Variants in ZGRF1 observed in about 807,000 individuals in gnomAD.
ZGRF1 encodes the protein zinc finger GRF-type containing 1.
In ZGRF1, 196 loss-of-function variants were observed where a neutral mutation model predicts 203.5. The observed-to-expected ratio is 0.96, with a 90% CI of 0.86 to 1.08. The LOEUF (loss-of-function observed/expected upper bound fraction) is 1.08. ZGRF1 is among the 50% of genes least tolerant of loss of function. The pLI is 0.00. For missense variants in ZGRF1, 2,326 were observed against 2,416.3 expected (o/e 0.96, Z 0.78); for synonymous variants, 809 against 841.3 (o/e 0.96, Z 0.66).
At position 112,617,515 on chromosome 4, in the gene ZGRF1, C is replaced by T. The variant is rs138769302; in HGVS notation, c.2527G>A (p.Glu843Lys). Residue 843 changes from glutamate to lysine, a missense_variant, in exon 6 of 28, where the codon GAA (glutamate) becomes AAA (lysine). By Grantham distance (56) the Glu-to-Lys change is moderately conservative. Transcript: ENST00000505019. ...CEHSTALDSL[E>K]ILKKKNTVFQ... Reference sequence around the variant, plus strand: ...ACAGTATTTTTCTTTTTCAATATTTCCAAGCTGTCTAAAGCAGTACTGTGT... The same window carrying T: ...ACAGTATTTTTCTTTTTCAATATTTTCAAGCTGTCTAAAGCAGTACTGTGT... The T allele has an allele frequency of 6.2e-5, 100 of 1,603,102 alleles. No individual in the cohort carries two copies. The African/African-American group carries it at 1.2e-3, about 19-fold the overall frequency.
At position 112,633,239 on chromosome 4, in the gene ZGRF1, C is replaced by A; in HGVS notation, c.-63G>T. On this transcript the variant is annotated 5_prime_UTR_variant, in exon 2 of 28. Transcript: ENST00000505019. ...AATAGGAAATATTCAACTATTTATACCACCTAAAATTAAAAATGACATAAA... is the reference window on the plus strand; with the variant it reads ...AATAGGAAATATTCAACTATTTATAACACCTAAAATTAAAAATGACATAAA... 1.6e-6 allele frequency: 2 copies of A among 1,262,416 alleles called. No individual in the cohort carries two copies. Among genetic ancestry groups the A allele is most frequent in the Non-Finnish European group, 2.3e-6 (2 of 884,216 alleles). The allele number at this position is 1,262,416 out of a possible 1,614,324, so 78.2% of individuals were successfully genotyped here.
At chr4:112,622,276 T>C (rs866471624) in intron 4 of ZGRF1, among the ~76,000 whole-genome samples, 3 of 151,406 alleles carry the variant, frequency 2.0e-5, no homozygotes, top group Non-Finnish European at 2.9e-5. Flanking sequence ...CCCAGCACTT[T>C]AGGAGGCCAA....
intron 16 of ZGRF1, 123 bp from the exon 17 acceptor site, chr4:112,563,397 G>A (rs1484783827): frequency 4.8e-6 from 3 of 631,088 alleles, no homozygotes; most frequent in Non-Finnish European, 7.5e-6. Context: ...ACATACACAA[G>A]ATGAGAAGTA....
chr4:112,597,754 C>T (rs1267740353), intron 10 of ZGRF1, among the ~76,000 whole-genome samples: 3 of 148,952 alleles, frequency 2.0e-5, no homozygotes, highest in African/African-American at 5.0e-5. Context: ...CGTGGTGGTG[C>T]GTGCCTGTGG....
rs1193445883 is a variant in ZGRF1 at position 112,578,436 on chromosome 4, G to T, written c.4438+3227C>A. ...TAACTAAGATCAGAGCAGAACTGAA[G>T]GAAATAGAGACACAAAAAACCCTTC... On this transcript the variant is annotated intron_variant, in intron 16 of 27. Coordinates refer to ENST00000505019, the MANE Select transcript of ZGRF1 (RefSeq NM_018392.5). Among the ~76,000 whole-genome samples the T allele has an allele frequency of 3.5e-5, 4 of 113,556 alleles. 1 individual carries two copies. The highest frequency in any genetic ancestry group is 1.2e-4 in the African/African-American group (4 of 34,230). The allele number at this position is 113,556 out of a possible 152,430, so 74.5% of individuals were successfully genotyped here.
At chr4:112,554,616 T>C in intron 21 of ZGRF1, 89 bp downstream of exon 21, 1 of 682,724 alleles carries the variant, frequency 1.5e-6, no homozygotes, top group Admixed American at 2.7e-5. Context: ...TTCTCCATTC[T>C]TCAAAAATCA....
At chr4:112,617,314 A>T (rs2046912538) in intron 6 of ZGRF1, 126 bp downstream of exon 6, 1 of 614,054 alleles carries the variant, frequency 1.6e-6, no homozygotes, top group Non-Finnish European at 2.6e-6. Flanking sequence ...GGTTTTACCA[A>T]GTACATGTAT....
intron 4 of ZGRF1, among the ~76,000 whole-genome samples, chr4:112,621,510 G>A (rs186071649): frequency 1.9e-4 from 29 of 151,664 alleles, no homozygotes; most frequent in Admixed American, 8.5e-4. Flanking sequence ...CAAATTAGCC[G>A]GGTGTGGTGG....
chr4:112,575,846 T>C (rs933203872), intron 16 of ZGRF1, among the ~76,000 whole-genome samples: 17 of 152,184 alleles, frequency 1.1e-4, no homozygotes, highest in African/African-American at 4.1e-4. Flanking sequence ...ACTCCCCCTC[T>C]GGGGGGCAGG....
At chr4:112,559,827 C>T (rs770750272) in intron 19 of ZGRF1, among the ~76,000 whole-genome samples, 2 of 152,104 alleles carry the variant, frequency 1.3e-5, no homozygotes, top group African/African-American at 2.4e-5. Flanking sequence ...TAACTCTAGA[C>T]CCCACACTCT....
At chr4:112,560,686 C>T (rs921140037) in intron 19 of ZGRF1, 47 bp downstream of exon 19, 32 of 1,461,954 alleles carry the variant, frequency 2.2e-5, no homozygotes, top group Non-Finnish European at 3.0e-5. Context: ...GTTACAAAAG[C>T]TTACAAATAG....
At position 112,561,503 on chromosome 4, in the gene ZGRF1, A is replaced by G. The variant is rs144764714; in HGVS notation, c.4698-508T>C. 5.8e-3 allele frequency: 889 copies of G among 153,068 alleles called. 11 individuals are homozygous for G. The highest frequency in any genetic ancestry group is 8.7e-3 in the Non-Finnish European group (594 of 68,544). 9.5% of individuals were successfully genotyped at this position (153,068 alleles called of 1,614,324 possible). On this transcript the variant is annotated intron_variant, in intron 18 of 27. Transcript: ENST00000505019. ...TTGGATAAATAACATAATGAAATCA[A>G]AGGATATTTATTTTTTTACCTAGGA...
chr4:112,635,177 C>A (rs1339964237), intron 1 of ZGRF1, among the ~76,000 whole-genome samples: 1 of 151,304 alleles, frequency 6.6e-6, no homozygotes, highest in Non-Finnish European at 1.5e-5. Flanking sequence ...CTATCTCCCT[C>A]CCCTCCGGCG....
At chr4:112,590,809 C>A (rs1400017483) in intron 10 of ZGRF1, among the ~76,000 whole-genome samples, 1 of 151,502 alleles carries the variant, frequency 6.6e-6, no homozygotes, top group African/African-American at 2.4e-5. Context: ...GCCTGTAATC[C>A]CAGTTACTCA....
At position 112,581,803 on chromosome 4, in the gene ZGRF1, C is replaced by A; in HGVS notation, c.4299-1G>T. ...TTTTCTCTGAAAATCAAATCCTTTTCTGAAAAGGGAATAAAAAATAAAAAT... is the reference window on the plus strand; with the variant it reads ...TTTTCTCTGAAAATCAAATCCTTTTATGAAAAGGGAATAAAAAATAAAAAT... On this transcript the variant is annotated splice_acceptor_variant, in intron 15 of 27. Coordinates refer to ENST00000505019, the MANE Select transcript of ZGRF1 (RefSeq NM_018392.5). LOFTEE classifies it high-confidence loss of function. 1 of 1,341,840 alleles carries A rather than the reference C, an allele frequency of 7.5e-7. No homozygotes were observed. Among genetic ancestry groups the A allele is most frequent in the Non-Finnish European group, 9.9e-7 (1 of 1,008,816 alleles). The allele number at this position is 1,341,840 out of a possible 1,614,324, so 83.1% of individuals were successfully genotyped here.
chr4:112,632,088 A>G (rs1207274547), intron 2 of ZGRF1, 78 bp from the exon 3 acceptor site: 2 of 591,682 alleles, frequency 3.4e-6, no homozygotes, highest in East Asian at 3.4e-5. Flanking sequence ...TCCTTCCTAC[A>G]TACAAAATAT....
Position 112,587,270 on chromosome 4 carries a change from A to C in ZGRF1, c.3777+10T>G. On this transcript the variant is annotated intron_variant, in intron 12 of 27. Transcript: ENST00000505019. ...GAAAAATGCACCACAAGACCGGTACATTTCCTCACCTGTAAATCCTTTACA... is the reference window on the plus strand; with the variant it reads ...GAAAAATGCACCACAAGACCGGTACCTTTCCTCACCTGTAAATCCTTTACA... The C allele has an allele frequency of 6.3e-7, 1 of 1,589,116 alleles. No individual in the cohort carries two copies.
chr4:112,627,462 C>T (rs2047274727), intron 3 of ZGRF1, among the ~76,000 whole-genome samples: 1 of 152,056 alleles, frequency 6.6e-6, no homozygotes, highest in African/African-American at 2.4e-5. Flanking sequence ...CAAATATAGC[C>T]GGGCACGGTG....
intron 10 of ZGRF1, among the ~76,000 whole-genome samples, chr4:112,590,561 A>G (rs1435366439): frequency 2.0e-5 from 3 of 152,154 alleles, no homozygotes; most frequent in Non-Finnish European, 4.4e-5. Flanking sequence ...TCTTTTACTT[A>G]TAACTTCATA....
Sources: gnomAD v4.1 joint callset for allele counts (sites outside exome capture counted in the v4.1 genomes callset) on GRCh38, gnomAD v4.1.1 for gene constraint, MANE v1.5 for transcripts, NCBI Gene and HGNC (gene_info 2026-07-23, HGNC 2026-07-21) for gene names.